Variants in NLRP1 observed in about 807,000 individuals in gnomAD.
The protein encoded by NLRP1 is NACHT, LRR and PYD domains-containing protein 1.
NLRP1 carries 94 observed loss-of-function variants against 136.7 expected under a neutral mutation model. That is an observed-to-expected ratio of 0.69 (90% CI 0.58 to 0.82). NLRP1 has a LOEUF of 0.82. NLRP1 is among the 40% of genes least tolerant of loss of function. The pLI is 0.00. For synonymous variants in NLRP1, 690 were observed against 725.1 expected (o/e 0.95, Z 0.78); for missense variants, 1,575 against 1,802.7 (o/e 0.87, Z 2.29).
At chr17:5,568,902 T>C (rs913038097) in intron 3 of NLRP1, among the ~76,000 whole-genome samples, 3 of 152,114 alleles carry the variant, frequency 2.0e-5, no homozygotes, top group Non-Finnish European at 4.4e-5. Context: ...AAACATACAG[T>C]CTCTGTCTCT....
chr17:5,536,908 C>T lies in NLRP1; in HGVS notation c.2903G>A (p.Arg968Lys), dbSNP rs1156384511. 1 of 1,613,750 alleles carries T rather than the reference C, an allele frequency of 6.2e-7. No individual in the cohort carries two copies. The highest frequency in any genetic ancestry group is 1.6e-4 in the Middle Eastern group (1 of 6,062). Residue 968 changes from arginine to lysine, a missense_variant, in exon 8 of 17, where the codon AGG (arginine) becomes AAG (lysine). Transcript: ENST00000572272. ...CTGCTCCAGGGCCCTCAGTTCCTGC[C>T]TCATCTCATCACTCAGAGTTGTCTG... ...LDQTTLSDEMRQELRALEQEK... is the reference protein window; with the variant it reads ...LDQTTLSDEMKQELRALEQEK...
intron 3 of NLRP1, among the ~76,000 whole-genome samples, chr17:5,573,998 C>T (rs1257510201): frequency 2.6e-5 from 4 of 152,152 alleles, no homozygotes; most frequent in African/African-American, 9.7e-5. Context: ...TTCAGAAGAT[C>T]AAACTTCTCC....
At position 5,581,718 on chromosome 17, in the gene NLRP1, A is replaced by T. The variant is rs566867585; in HGVS notation, c.652+141T>A. ...GCCTTGGACCAGTGGAGAGGCTCCAAGGGTGGGATTTCCTGAGGGAAATTT... is the reference window on the plus strand; with the variant it reads ...GCCTTGGACCAGTGGAGAGGCTCCATGGGTGGGATTTCCTGAGGGAAATTT... On this transcript the variant is annotated intron_variant, in intron 3 of 16. Transcript: ENST00000572272. The T allele has an allele frequency of 7.8e-6, 6 of 769,696 alleles. No homozygotes were observed. The African/African-American group carries it at 1.0e-4, about 13-fold the overall frequency. The allele number at this position is 769,696 out of a possible 1,614,324, so 47.7% of individuals were successfully genotyped here.
intron 13 of NLRP1, 140 bp downstream of exon 13, chr17:5,521,384 T>C (rs11650171): frequency 0.049 from 41,425 of 839,104 alleles, 1,212 homozygotes; most frequent in African/African-American, 0.086. Flanking sequence ...AGGGGACGAA[T>C]TGTTTGCCCA....
In NLRP1 at chr17:5,584,218, G is replaced by A; in HGVS notation, c.-261C>T. ...AGCTGATAGGGAGGTCCTGGGATGG[G>A]GTCCAGGGCCAGGCAGGGAGGGTGA... On this transcript the variant is annotated 5_prime_UTR_variant, in exon 1 of 17. Transcript: ENST00000572272. The A allele has an allele frequency of 2.0e-6, 1 of 509,958 alleles. No homozygotes were observed. Among genetic ancestry groups the A allele is most frequent in the Non-Finnish European group, 3.5e-6 (1 of 282,934 alleles). 31.6% of individuals were successfully genotyped at this position (509,958 alleles called of 1,614,324 possible).
chr17:5,510,085 T>TTA (rs60148026), downstream of NLRP1, among the ~76,000 whole-genome samples: 2 of 151,764 alleles, frequency 1.3e-5, no homozygotes, highest in Non-Finnish European at 2.9e-5. Context: ...TTTTTTTTTT[T>TTA]AAATAGAGAC....
chr17:5,545,554 A>G (rs1912550902), intron 5 of NLRP1, among the ~76,000 whole-genome samples: 2 of 151,996 alleles, frequency 1.3e-5, no homozygotes, highest in Non-Finnish European at 2.9e-5. Flanking sequence ...ACAGACACAC[A>G]CAGACACACA....
rs200829556 is a variant in NLRP1 at position 5,515,069 on chromosome 17, T to C, written c.4107A>G (p.Val1369=). 11 of 1,613,354 alleles carry C rather than the reference T, an allele frequency of 6.8e-6. No homozygotes were observed. Among genetic ancestry groups the C allele is most frequent in the African/African-American group, 2.7e-5 (2 of 74,910 alleles). The change falls in exon 17 of 17, where the codon GTA becomes GTG. Residue 1369 remains valine, a synonymous_variant. Transcript: ENST00000572272. The part of the protein sequence containing the change: ...TTLIPPARIA[V]PSPLDAPQLL... Reference sequence around the variant, plus strand: ...ACTGCGGGGCATCCAGAGGTGAAGGTACGGCTGGCAACGAACAAAGAAGGG... The same window carrying C: ...ACTGCGGGGCATCCAGAGGTGAAGGCACGGCTGGCAACGAACAAAGAAGGG...
chr17:5,538,486 G>A (rs1734283974), intron 7 of NLRP1, among the ~76,000 whole-genome samples: 1 of 152,120 alleles, frequency 6.6e-6, no homozygotes, highest in Admixed American at 6.6e-5. Context: ...ACTGTCTCAG[G>A]GAAGTCCTCC....
chr17:5,543,567 T>C (rs1912149466), intron 5 of NLRP1, among the ~76,000 whole-genome samples: 1 of 151,822 alleles, frequency 6.6e-6, no homozygotes, highest in Non-Finnish European at 1.5e-5. Flanking sequence ...GTCTCTGCAT[T>C]GCTTTAGAAA....
At position 5,560,023 on chromosome 17, in the gene NLRP1, C is replaced by G. The variant is rs1209928979; in HGVS notation, c.673G>C (p.Glu225Gln). The stretch of plus-strand genomic sequence containing the variant: ...GGGGGCCTGCCTTTCTCTGATTTCT[C>G]TCTCTCTCTTTCTCTGATTTCTAAG... ...YYTEIRERER[E>Q]KSEKGRPPWA... The change falls in exon 4 of 17, where the codon GAG becomes CAG. Residue 225 changes from glutamate to glutamine, a missense_variant. Physicochemically the swap from Glu to Gln is conservative, Grantham distance 29 (BLOSUM62 2). Coordinates refer to ENST00000572272, the MANE Select transcript of NLRP1 (RefSeq NM_033004.4). The G allele has an allele frequency of 6.4e-7, 1 of 1,569,578 alleles. No homozygotes were observed. Among genetic ancestry groups the G allele is most frequent in the African/African-American group, 1.4e-5 (1 of 72,624 alleles).
chr17:5,525,683 C>T (rs1211123665), intron 12 of NLRP1, among the ~76,000 whole-genome samples: 1 of 152,222 alleles, frequency 6.6e-6, no homozygotes, highest in Non-Finnish European at 1.5e-5. Context: ...GGCTTTGACT[C>T]CCAGCAAGGG....
chr17:5,546,995 G>A (rs1485083809), intron 5 of NLRP1, among the ~76,000 whole-genome samples: 1 of 152,188 alleles, frequency 6.6e-6, no homozygotes, highest in Non-Finnish European at 1.5e-5. Flanking sequence ...AGAGGAGGTA[G>A]GTGTTGGTGC....
intron 13 of NLRP1, 32 bp downstream of exon 13, chr17:5,521,492 C>T (rs757282476): frequency 1.8e-5 from 29 of 1,601,092 alleles, no homozygotes; most frequent in East Asian, 6.7e-5. Context: ...GTCAACCCAC[C>T]GTGGCCCAGC....
intron 8 of NLRP1, 36 bp from the exon 9 acceptor site, chr17:5,534,024 G>T: frequency 4.1e-6 from 6 of 1,460,536 alleles, no homozygotes; most frequent in Non-Finnish European, 5.8e-6. Flanking sequence ...CTAAGATCTT[G>T]GAGGAAGCGA....
exon 16 of NLRP1, chr17:5,501,801 A>C: frequency 6.2e-7 from 1 of 1,611,890 alleles, no homozygotes; most frequent in Non-Finnish European, 8.5e-7. Flanking sequence ...GTACTGCCGC[A>C]GGCTGCTGGG....
Position 5,558,529 on chromosome 17 carries a change from A to G in NLRP1, c.2167T>C (p.Tyr723His). 6.2e-7 allele frequency: 1 copy of G among 1,613,998 alleles called. No homozygotes were observed. The highest frequency in any genetic ancestry group is 2.2e-5 in the East Asian group (1 of 44,842). Residue 723 changes from tyrosine to histidine, a missense_variant, in exon 4 of 17, where the codon TAC becomes CAC. Tyr to His is a moderately conservative substitution (Grantham distance 83). Transcript: ENST00000572272. The stretch of plus-strand genomic sequence containing the variant: ...AGGAACGTTTTGTTCCGAGTCTCGT[A>G]CAAGCAGTGGAGGGACTCCAGAGAG... ...PHSLESLHCL[Y>H]ETRNKTFLTQ...
At position 5,541,870 on chromosome 17, in the gene NLRP1, G is replaced by C. The variant is rs774057957; in HGVS notation, c.2686C>G (p.Leu896Val). The stretch of plus-strand genomic sequence containing the variant: ...AAGAACAATTACTGCAGTCGCTGTA[G>C]CTTGCAGCTCGGCTGTCTCAGTCTC... ...CQRLRQPSCK[L>V]QRLQLVSCGL... Residue 896 changes from leucine (L) to valine (V), a missense_variant, in exon 6 of 17, where the codon CTA becomes GTA. Leu to Val is a conservative substitution (Grantham distance 32). Transcript: ENST00000572272. This position sits in a 1 kb window ranked among gnomAD's most constrained non-coding sequence, Gnocchi z 4.2. 1.2e-6 allele frequency: 2 copies of C among 1,613,674 alleles called. No homozygotes were observed. The highest frequency in any genetic ancestry group is 8.5e-7 in the Non-Finnish European group (1 of 1,179,944).
chr17:5,566,137 G>C (rs1438810072), intron 3 of NLRP1, among the ~76,000 whole-genome samples: 1 of 151,622 alleles, frequency 6.6e-6, no homozygotes, highest in Non-Finnish European at 1.5e-5. Context: ...TTGTTTCATT[G>C]ATCTTTTGTA....
Sources: allele counts gnomAD v4.1 joint callset (sites outside exome capture counted in the v4.1 genomes callset), GRCh38; gene constraint gnomAD v4.1.1; non-coding constraint Gnocchi (gnomAD v3.1); transcripts MANE v1.5; gene names NCBI Gene and HGNC (gene_info 2026-07-23, HGNC 2026-07-21).